Variants in ZNF587 observed in about 807,000 individuals in gnomAD.
The protein encoded by ZNF587 is zinc finger protein zfp6.
A neutral mutation model predicts 7.5 loss-of-function variants in ZNF587; 8 were observed. That is an observed-to-expected ratio of 1.06 (90% CI 0.62 to 1.92). The LOEUF is 1.92. Among genes scored for constraint, ZNF587 ranks in the 40% most tolerant of loss-of-function variants. ZNF587 has a pLI of 0.00. For synonymous variants in ZNF587, 145 were observed against 237.8 expected, an observed-to-expected ratio of 0.61 and a Z score of 3.59; for missense variants, 468 against 692.8, an observed-to-expected ratio of 0.68 and a Z score of 3.64.
At position 57,856,318 on chromosome 19, in the gene ZNF587, A is replaced by C. The variant is rs2071355373; in HGVS notation, c.163+85A>C. 3.9e-6 allele frequency: 6 copies of C among 1,520,896 alleles called. No individual in the cohort carries two copies. The South Asian group carries it at 8.0e-5, about 20-fold the overall frequency. 94.2% of individuals were successfully genotyped at this position (1,520,896 alleles called of 1,614,324 possible). ...ATTGACAGGACTGTCTTTCTCACCT[A>C]AGGAGCCTGGACACAGGTTCCTTCT... On this transcript the variant is annotated intron_variant, in intron 2 of 2. Transcript: ENST00000339656.
Position 57,849,881 on chromosome 19 carries a change from T to G in ZNF587, c.-158T>G. ...TCTAGTAGCGGCTGTGTATCGGCGATGCGGGTGTTTCCCCAGTTTGTGGCC... is the reference window on the plus strand; with the variant it reads ...TCTAGTAGCGGCTGTGTATCGGCGAGGCGGGTGTTTCCCCAGTTTGTGGCC... On this transcript the variant is annotated 5_prime_UTR_variant, in exon 1 of 3. The change abolishes an upstream ATG in the 5' untranslated region. Coordinates refer to ENST00000339656, the MANE Select transcript of ZNF587 (RefSeq NM_032828.4). 6.6e-7 allele frequency: 1 copy of G among 1,509,866 alleles called. No homozygotes were observed. The highest frequency in any genetic ancestry group is 8.9e-7 in the Non-Finnish European group (1 of 1,128,406). 93.5% of individuals were successfully genotyped at this position (1,509,866 alleles called of 1,614,324 possible). A position where few individuals can be genotyped will look rare whatever the true frequency, so the allele number is the denominator to read the frequency against.
At chr19:57,855,125 A>C (rs2071335315) in intron 1 of ZNF587, among the ~76,000 whole-genome samples, 1 of 151,990 alleles carries the variant, frequency 6.6e-6, no homozygotes, top group African/African-American at 2.4e-5. Flanking sequence ...CAGAGCTTGC[A>C]CTGAGCTGAG....
At chr19:57,852,088 C>T in intron 1 of ZNF587, 1 of 358,070 alleles carries the variant, frequency 2.8e-6, no homozygotes, top group Non-Finnish European at 5.0e-6. Context: ...CCTCATTGGT[C>T]CTGACGCCAT....
rs1301165394 is a variant in ZNF587 at position 57,861,892 on chromosome 19, C to CCTGAGTAG, written c.*1756_*1763dup. ...TGTTCAAGCGATTCTGCCTCAGCCT[C>CCTGAGTAG]CTGAGTAGCTGGGACTACAGGCATG... On this transcript the variant is annotated 3_prime_UTR_variant, in exon 3 of 3. Coordinates refer to ENST00000339656, the MANE Select transcript of ZNF587 (RefSeq NM_032828.4). The CCTGAGTAG allele has an allele frequency of 6.6e-6, 1 of 151,662 alleles. No homozygotes were observed. The highest frequency in any genetic ancestry group is 1.5e-5 in the Non-Finnish European group (1 of 68,020). The allele number at this position is 151,662 out of a possible 1,614,324, so 9.4% of individuals were successfully genotyped here.
Position 57,860,502 on chromosome 19 carries a change from C to CAA in ZNF587, c.*363_*364dup, listed in dbSNP as rs1319379951. On this transcript the variant is annotated 3_prime_UTR_variant, in exon 3 of 3. Transcript: ENST00000339656. The stretch of plus-strand genomic sequence containing the variant: ...CAGGCTGGTCTCAAACTCCTGACCT[C>CAA]AAGTGATCCACCCACCTTGACTCCC... The CAA allele has an allele frequency of 1.0e-5, 3 of 296,050 alleles. No individual in the cohort carries two copies. The highest frequency in any genetic ancestry group is 6.5e-5 in the African/African-American group (3 of 46,212). The allele number at this position is 296,050 out of a possible 1,614,324, so 18.3% of individuals were successfully genotyped here. A position where few individuals can be genotyped will look rare whatever the true frequency, so the allele number is the denominator to read the frequency against.
Position 57,856,316 on chromosome 19 carries a change from C to T in ZNF587, c.163+83C>T, listed in dbSNP as rs112014365. The T allele has an allele frequency of 2.3e-3, 3,540 of 1,521,118 alleles. 95 individuals are homozygous for T. The African/African-American group carries it at 0.043, about 19-fold the overall frequency. 94.2% of individuals were successfully genotyped at this position (1,521,118 alleles called of 1,614,324 possible). ...TCATTGACAGGACTGTCTTTCTCACCTAAGGAGCCTGGACACAGGTTCCTT... is the reference window on the plus strand; with the variant it reads ...TCATTGACAGGACTGTCTTTCTCACTTAAGGAGCCTGGACACAGGTTCCTT... On this transcript the variant is annotated intron_variant, in intron 2 of 2. Transcript: ENST00000339656.
At chr19:57,856,574 A>AT (rs2071359042) in intron 2 of ZNF587, among the ~76,000 whole-genome samples, 2 of 151,396 alleles carry the variant, frequency 1.3e-5, no homozygotes, top group Admixed American at 6.6e-5. Context: ...CGCCTGGCTA[A>AT]TTTTTTTTGT....
chr19:57,852,426 A>C lies in ZNF587; in HGVS notation c.33+2355A>C, dbSNP rs1329892092. ...GGAAGAGGAAGAAAGGTCAGAGATA[A>C]GGCTCCTGCCATAATCCAGGTGAGG... On this transcript the variant is annotated intron_variant, in intron 1 of 2. Coordinates refer to ENST00000339656, the MANE Select transcript of ZNF587 (RefSeq NM_032828.4). The C allele has an allele frequency of 3.5e-5, 14 of 398,650 alleles. No individual in the cohort carries two copies. The East Asian group carries it at 4.6e-4, about 13-fold the overall frequency. 24.7% of individuals were successfully genotyped at this position (398,650 alleles called of 1,614,324 possible). A position where few individuals can be genotyped will look rare whatever the true frequency, so the allele number is the denominator to read the frequency against.
In ZNF587 at chr19:57,859,287, G is replaced by C. The variant is rs768907053; in HGVS notation, c.875G>C (p.Gly292Ala). 9.0e-6 allele frequency: 14 copies of C among 1,552,248 alleles called. 3 individuals are homozygous for C. Among genetic ancestry groups the C allele is most frequent in the Admixed American group, 5.5e-5 (3 of 54,454 alleles). The change falls in exon 3 of 3, where the codon GGA (glycine) becomes GCA (alanine). Residue 292 changes from glycine to alanine, a missense_variant. By Grantham distance (60) the Gly-to-Ala change is moderately conservative (BLOSUM62 0). Around this residue, in one of 5 missense-constraint regions of ZNF587, gnomAD observed 20 missense variants for 44.9 expected, o/e 0.45. Transcript: ENST00000339656. ...SLIQHQRVHT[G>A]QTAYPCEECG... Reference sequence around the variant, plus strand: ...ATTCAACATCAGCGAGTCCACACTGGACAGACAGCTTATCCCTGTGAGGAG... The same window carrying C: ...ATTCAACATCAGCGAGTCCACACTGCACAGACAGCTTATCCCTGTGAGGAG...
intron 1 of ZNF587, chr19:57,851,496 T>G (rs2071279719): frequency 6.5e-6 from 1 of 152,756 alleles, no homozygotes; most frequent in Non-Finnish European, 1.5e-5. Flanking sequence ...TCGTCAGTTA[T>G]AATTTTGCAA....
rs559789454 is a variant in ZNF587, at chr19:57,855,996, G to A, written c.34-108G>A. 2.5e-5 allele frequency: 38 copies of A among 1,545,930 alleles called. No individual in the cohort carries two copies. The African/African-American group carries it at 2.5e-4, about 10-fold the overall frequency. ...CACCAGTGGATGTGGTTTCAACTCC[G>A]TGTTGGGGACCTTGGGAGGAGGATG... is the stretch of plus-strand genomic sequence containing the variant. On this transcript the variant is annotated intron_variant, in intron 1 of 2. Coordinates refer to ENST00000339656, the MANE Select transcript of ZNF587 (RefSeq NM_032828.4).
chr19:57,855,944 A>T, intron 1 of ZNF587, 160 bp from the exon 2 acceptor site: 1 of 1,272,382 alleles, frequency 7.9e-7, no homozygotes, highest in Non-Finnish European at 1.1e-6. Context: ...ATGGCATTTG[A>T]CCAGCAGGCC....
rs1171836909 is a variant in ZNF587 at position 57,861,715 on chromosome 19, T to C, written c.*1575T>C. ...AAAATAATGAAATAACAAAGACGTA[T>C]GTTGGACTTCATTCATTCTTCAGTG... On this transcript the variant is annotated 3_prime_UTR_variant, in exon 3 of 3. Transcript: ENST00000339656. 1 of 152,076 alleles carries C rather than the reference T, an allele frequency of 6.6e-6. No individual in the cohort carries two copies. Among genetic ancestry groups the C allele is most frequent in the African/African-American group, 2.4e-5 (1 of 41,378 alleles). 9.4% of individuals were successfully genotyped at this position (152,076 alleles called of 1,614,324 possible). A position where few individuals can be genotyped will look rare whatever the true frequency, so the allele number is the denominator to read the frequency against.
Position 57,861,546 on chromosome 19 carries a change from C to T in ZNF587, c.*1406C>T, listed in dbSNP as rs1484931369. Reference sequence around the variant, plus strand: ...GTTTTACCTTTTTGCCCAGTCTGATCGCGAACTCCTGGGCTCAGGCGATCC... The same window carrying T: ...GTTTTACCTTTTTGCCCAGTCTGATTGCGAACTCCTGGGCTCAGGCGATCC... On this transcript the variant is annotated 3_prime_UTR_variant, in exon 3 of 3. Transcript: ENST00000339656. The T allele has an allele frequency of 8.6e-5, 13 of 152,026 alleles. No individual in the cohort carries two copies. Among genetic ancestry groups the T allele is most frequent in the Non-Finnish European group, 1.8e-4 (12 of 68,032 alleles). 9.4% of individuals were successfully genotyped at this position (152,026 alleles called of 1,614,324 possible).
chr19:57,861,212 A>G lies in ZNF587; in HGVS notation c.*1072A>G, dbSNP rs184756036. The G allele has an allele frequency of 2.6e-5, 4 of 152,276 alleles. No individual in the cohort carries two copies. The highest frequency in any genetic ancestry group is 1.9e-4 in the East Asian group (1 of 5,182). The allele number at this position is 152,276 out of a possible 1,614,324, so 9.4% of individuals were successfully genotyped here. On this transcript the variant is annotated 3_prime_UTR_variant, in exon 3 of 3. Coordinates refer to ENST00000339656, the MANE Select transcript of ZNF587 (RefSeq NM_032828.4). The stretch of plus-strand genomic sequence containing the variant: ...GAAATTATTGCTCATTTGTATATCT[A>G]TCTACCATCAGTGTCCAAGAATTTC...
intron 1 of ZNF587, 65 bp downstream of exon 1, chr19:57,850,136 G>GGAGC (rs2071262368): frequency 6.2e-7 from 1 of 1,613,910 alleles, no homozygotes; most frequent in Non-Finnish European, 8.5e-7. Context: ...AACCAGCGAG[G>GGAGC]GAGCGGCTCC....
Position 57,860,353 on chromosome 19 carries a change from G to A in ZNF587, c.*213G>A, listed in dbSNP as rs2071419106. The stretch of plus-strand genomic sequence containing the variant: ...GTGCAGTCTTGGCTCGCTGCAACTT[G>A]GGCCTCCTGGGTTCATGCAATCCTC... On this transcript the variant is annotated 3_prime_UTR_variant, in exon 3 of 3. Transcript: ENST00000339656. 6 of 830,258 alleles carry A rather than the reference G, an allele frequency of 7.2e-6. No individual in the cohort carries two copies. The highest frequency in any genetic ancestry group is 9.2e-6 in the Non-Finnish European group (5 of 541,720). 51.4% of individuals were successfully genotyped at this position (830,258 alleles called of 1,614,324 possible).
At chr19:57,850,869 CGTTTCT>C (rs1408687029) in intron 1 of ZNF587, 5 of 274,674 alleles carry the variant, frequency 1.8e-5, no homozygotes, top group African/African-American at 1.1e-4. Context: ...AAGCACTGGC[CGTTTCT>C]GTGAATTTCC....
chr19:57,857,880 C>T (rs771422217), intron 2 of ZNF587, among the ~76,000 whole-genome samples: 2 of 151,856 alleles, frequency 1.3e-5, no homozygotes, highest in Non-Finnish European at 2.9e-5. Flanking sequence ...AGGTGATCTG[C>T]CCGCCTCGGC....
Sources: allele counts gnomAD v4.1 joint callset (sites outside exome capture counted in the v4.1 genomes callset), GRCh38; gene constraint gnomAD v4.1.1; regional missense constraint gnomAD v4.1.1; transcripts MANE v1.5; gene names NCBI Gene and HGNC (gene_info 2026-07-23, HGNC 2026-07-21).